Variants in ABCA10 observed in about 807,000 individuals in gnomAD.
The protein encoded by ABCA10 is ATP-binding cassette sub-family A member 10.
Under a neutral mutation model 187.5 loss-of-function variants are expected in ABCA10, and 169 were observed. The ratio of observed to expected loss-of-function variants is 0.90; its 90% CI spans 0.80 to 1.02. The LOEUF is 1.02. ABCA10 is among the 50% of genes least tolerant of loss of function. The probability of loss-of-function intolerance (pLI) is 0.00; values close to 1 mark genes in which losing one functional copy is unlikely to be tolerated. For missense variants in ABCA10, 1,727 were observed against 1,812.4 expected (o/e 0.95, Z 0.86); for synonymous variants, 574 against 601.8 (o/e 0.95, Z 0.68).
chr17:69,164,605 C>G (rs367917144), intron 26 of ABCA10, among the ~76,000 whole-genome samples: 21 of 152,102 alleles, frequency 1.4e-4, no homozygotes, highest in African/African-American at 4.8e-4. Flanking sequence ...AGACATTGAT[C>G]AACATTGAAA....
chr17:69,166,478 T>C (rs755876240), intron 25 of ABCA10, among the ~76,000 whole-genome samples: 2 of 152,222 alleles, frequency 1.3e-5, no homozygotes, highest in Non-Finnish European at 2.9e-5. Context: ...CATCTGTCAC[T>C]GTAGCCACAC....
intron 32 of ABCA10, 128 bp downstream of exon 32, chr17:69,153,703 G>C: frequency 7.0e-7 from 1 of 1,435,802 alleles, no homozygotes; most frequent in Non-Finnish European, 9.4e-7. Context: ...TTCTTATTCA[G>C]GTATTTGAAT....
rs764423237 is a variant in ABCA10 at position 69,182,840 on chromosome 17, A to G, written c.2498-32T>C. 66 of 1,542,680 alleles carry G rather than the reference A, an allele frequency of 4.3e-5. 3 individuals are homozygous for G. In the South Asian group the frequency reaches 8.1e-4, roughly 19 times the overall value. On this transcript the variant is annotated intron_variant, in intron 20 of 38. Coordinates refer to ENST00000690296, the MANE Select transcript of ABCA10 (RefSeq NM_001377321.1). ...TAGTGGAAGGAAGGCAACAAGAAAA[A>G]AAAAAAAAAAGCAAGAAAATCAAAG... is the stretch of plus-strand genomic sequence containing the variant.
chr17:69,217,116 G>A (rs146489483), intron 6 of ABCA10, among the ~76,000 whole-genome samples: 3,658 of 151,868 alleles, frequency 0.024, 136 homozygotes, highest in African/African-American at 0.084. Flanking sequence ...GTGAGGTGGC[G>A]GGCACCTGTA....
chr17:69,162,844 T>TATACATATACATATACATATAC (rs1568051561), intron 27 of ABCA10, among the ~76,000 whole-genome samples: 1 of 20,532 alleles, frequency 4.9e-5, no homozygotes, highest in Non-Finnish European at 1.0e-4. Context: ...TATACATATA[T>TATACATATACATATACATATAC]ATATATATAT....
chr17:69,149,896 T>C, intron 37 of ABCA10, 88 bp downstream of exon 37: 1 of 1,008,720 alleles, frequency 9.9e-7, no homozygotes, highest in South Asian at 1.6e-5. Context: ...GATTATTTCA[T>C]TGTTCTACTT....
chr17:69,162,079 T>C (rs1361896296), intron 27 of ABCA10, among the ~76,000 whole-genome samples: 1 of 152,164 alleles, frequency 6.6e-6, no homozygotes, highest in African/African-American at 2.4e-5. Context: ...TTCACATAAT[T>C]CCGATTGAAA....
chr17:69,238,177 T>A (rs978418143), intron 1 of ABCA10, among the ~76,000 whole-genome samples: 2 of 150,324 alleles, frequency 1.3e-5, no homozygotes, highest in Non-Finnish European at 3.0e-5. Flanking sequence ...AAAAAAAAAA[T>A]TTCCAGCAAC....
At chr17:69,211,280 G>GTA (rs1233236048) in intron 9 of ABCA10, among the ~76,000 whole-genome samples, 8 of 116,296 alleles carry the variant, frequency 6.9e-5, no homozygotes, top group Admixed American at 3.0e-4. Context: ...GTATCCTATG[G>GTA]TATATATATA....
chr17:69,163,382 A>G (rs925202616), intron 27 of ABCA10, among the ~76,000 whole-genome samples: 3 of 152,174 alleles, frequency 2.0e-5, no homozygotes, highest in African/African-American at 7.2e-5. Flanking sequence ...CAGAGTTGCA[A>G]TGAACATATA....
chr17:69,217,202 G>A (rs1007048184), intron 6 of ABCA10, among the ~76,000 whole-genome samples: 3 of 151,438 alleles, frequency 2.0e-5, no homozygotes, highest in Admixed American at 1.3e-4. Flanking sequence ...AGACAAGATC[G>A]TGCCATTGCA....
intron 1 of ABCA10, among the ~76,000 whole-genome samples, chr17:69,227,893 A>G (rs1432251863): frequency 2.0e-5 from 3 of 151,974 alleles, no homozygotes; most frequent in East Asian, 3.8e-4. Context: ...AACCAAAAAT[A>G]TTGGCTAATA....
chr17:69,154,518 G>A (rs1028473676), intron 30 of ABCA10, among the ~76,000 whole-genome samples, 192 bp from the exon 31 acceptor site: 8 of 149,604 alleles, frequency 5.3e-5, no homozygotes, highest in Non-Finnish European at 8.9e-5. Flanking sequence ...TTGATCTCCT[G>A]GGCTCAAGCG....
chr17:69,208,650 A>C (rs2074611348), intron 9 of ABCA10, among the ~76,000 whole-genome samples: 1 of 152,156 alleles, frequency 6.6e-6, no homozygotes, highest in Non-Finnish European at 1.5e-5. Context: ...AGGATAACGA[A>C]TGATGGACAA....
chr17:69,204,422 T>A (rs1568067489), intron 9 of ABCA10, among the ~76,000 whole-genome samples: 1 of 152,172 alleles, frequency 6.6e-6, no homozygotes, highest in Non-Finnish European at 1.5e-5. Context: ...TCAAGACTCT[T>A]TAAGATGATT....
intron 22 of ABCA10, among the ~76,000 whole-genome samples, chr17:69,177,432 A>T (rs1322567436): frequency 6.6e-6 from 1 of 152,028 alleles, no homozygotes; most frequent in Non-Finnish European, 1.5e-5. Flanking sequence ...TTGAATATTA[A>T]TATATGGTAG....
chr17:69,163,952 G>A lies in ABCA10; in HGVS notation c.3363+122C>T, dbSNP rs942175996. 7.9e-6 allele frequency: 5 copies of A among 633,892 alleles called. No individual in the cohort carries two copies. In the African/African-American group the frequency reaches 9.7e-5, roughly 12 times the overall value. The allele number at this position is 633,892 out of a possible 1,614,324, so 39.3% of individuals were successfully genotyped here. A position where few individuals can be genotyped will look rare whatever the true frequency, so the allele number is the denominator to read the frequency against. On this transcript the variant is annotated intron_variant, in intron 27 of 38. Coordinates refer to ENST00000690296, the MANE Select transcript of ABCA10 (RefSeq NM_001377321.1). ...TTTAGTTCTTGCTGCCATTATATTG[G>A]AATGGAAAATACAGAAAGAGTGGGT...
Position 69,193,948 on chromosome 17 carries a change from C to T in ABCA10, c.1387G>A (p.Asp463Asn), listed in dbSNP as rs779327397. The part of the protein sequence containing the change: ...IYNTQLSEIT[D>N]MEEIRKNIGF... Reference sequence around the variant, plus strand: ...ATATTCTTTCTAATTTCTTCCATGTCAGTTATTTCAGAGAGTTGAGTATTA... The same window carrying T: ...ATATTCTTTCTAATTTCTTCCATGTTAGTTATTTCAGAGAGTTGAGTATTA... Residue 463 changes from aspartate to asparagine, a missense_variant, in exon 13 of 39, where the codon GAC (aspartate) becomes AAC (asparagine). Physicochemically the swap from Asp to Asn is conservative, Grantham distance 23 (BLOSUM62 1). Coordinates refer to ENST00000690296, the MANE Select transcript of ABCA10 (RefSeq NM_001377321.1). 8 of 1,609,836 alleles carry T rather than the reference C, an allele frequency of 5.0e-6. No individual in the cohort carries two copies. The highest frequency in any genetic ancestry group is 3.4e-6 in the Non-Finnish European group (4 of 1,178,116).
intron 25 of ABCA10, among the ~76,000 whole-genome samples, chr17:69,168,949 G>C (rs1485204018): frequency 6.6e-6 from 1 of 152,068 alleles, no homozygotes; most frequent in Non-Finnish European, 1.5e-5. Flanking sequence ...TGTAATCTTG[G>C]GTATATCTTT....
Sources: gnomAD v4.1 joint callset for allele counts (sites outside exome capture counted in the v4.1 genomes callset) on GRCh38, gnomAD v4.1.1 for gene constraint, MANE v1.5 for transcripts, NCBI Gene and HGNC (gene_info 2026-07-23, HGNC 2026-07-21) for gene names.